SSH2: variants seen among roughly 807,000 people sequenced by gnomAD.
The protein encoded by SSH2 is protein phosphatase Slingshot homolog 2.
A neutral mutation model predicts 135.2 loss-of-function variants in SSH2; 37 were observed. The observed-to-expected ratio is 0.27, with a 90% CI of 0.21 to 0.36. The LOEUF (loss-of-function observed/expected upper bound fraction) is 0.36, where lower values mean the gene tolerates loss of function less well. Ranked by LOEUF, SSH2 falls within the 10% of genes least tolerant of loss-of-function variation. The probability of loss-of-function intolerance (pLI) is 1.00; values close to 1 mark genes in which losing one functional copy is unlikely to be tolerated. For missense variants in SSH2, 1,408 were observed against 1,765.3 expected (o/e 0.80, Z 3.63); for synonymous variants, 628 against 646.2 (o/e 0.97, Z 0.43).
At chr17:29,716,952 C>T (rs1282127964) in intron 3 of SSH2, among the ~76,000 whole-genome samples, 1 of 152,110 alleles carries the variant, frequency 6.6e-6, no homozygotes, top group Non-Finnish European at 1.5e-5. Flanking sequence ...CTAATGTGTA[C>T]CGGCAAATCA....
At chr17:29,778,138 G>A (rs762556206) in intron 3 of SSH2, among the ~76,000 whole-genome samples, 2 of 152,056 alleles carry the variant, frequency 1.3e-5, no homozygotes, top group Non-Finnish European at 2.9e-5. Context: ...GTTTTGCATG[G>A]TGGAAAAAGG....
intron 11 of SSH2, among the ~76,000 whole-genome samples, chr17:29,665,948 C>T (rs185570090): frequency 2.1e-3 from 317 of 152,294 alleles, no homozygotes; most frequent in Non-Finnish European, 3.3e-3. Flanking sequence ...GTCCAGTAGT[C>T]TCTTGTCTCT....
At chr17:29,910,762 A>C (rs1185588633) in intron 1 of SSH2, among the ~76,000 whole-genome samples, 1 of 152,192 alleles carries the variant, frequency 6.6e-6, no homozygotes, top group Non-Finnish European at 1.5e-5. Flanking sequence ...AAAACAAAGC[A>C]TTATTTTTTG....
At chr17:29,727,114 T>C (rs146245643) in intron 3 of SSH2, among the ~76,000 whole-genome samples, 7 of 152,350 alleles carry the variant, frequency 4.6e-5, no homozygotes, top group African/African-American at 7.2e-5. Context: ...CACAAAGGAC[T>C]TCCTTCCTTA....
At chr17:29,688,939 T>G (rs2038347015) in intron 5 of SSH2, among the ~76,000 whole-genome samples, 1 of 152,058 alleles carries the variant, frequency 6.6e-6, no homozygotes, top group South Asian at 2.1e-4. Flanking sequence ...GTGGATCGCT[T>G]GAGGTCAGGA....
intron 1 of SSH2, among the ~76,000 whole-genome samples, chr17:29,891,601 A>C (rs1567635104): frequency 6.6e-6 from 1 of 152,210 alleles, no homozygotes; most frequent in Non-Finnish European, 1.5e-5. Flanking sequence ...TAGAAAAAAA[A>C]AAACAAAATA....
intron 3 of SSH2, among the ~76,000 whole-genome samples, chr17:29,779,809 T>TAAAA (rs1567969193): frequency 4.6e-4 from 5 of 10,772 alleles, no homozygotes; most frequent in South Asian, 3.3e-3. Context: ...AGACTCTGTC[T>TAAAA]CAAAAAAAAA....
chr17:29,635,931 ACTT>A (rs1477974891), intron 15 of SSH2, 34 bp downstream of exon 15: 2 of 1,451,932 alleles, frequency 1.4e-6, no homozygotes, highest in Non-Finnish European at 1.9e-6. Context: ...TTTGAAGAGA[ACTT>A]CATTAGGCGG....
At chr17:29,678,957 C>A (rs1214907626) in intron 6 of SSH2, among the ~76,000 whole-genome samples, 2 of 151,964 alleles carry the variant, frequency 1.3e-5, no homozygotes, top group African/African-American at 2.4e-5. Flanking sequence ...TCAGAGTGAT[C>A]CACCCGTCTC....
At chr17:29,877,770 A>C (rs1328151241) in intron 1 of SSH2, among the ~76,000 whole-genome samples, 1 of 35,464 alleles carries the variant, frequency 2.8e-5, no homozygotes, top group Admixed American at 3.4e-4. Context: ...ATGGGTACCA[A>C]AAAAAAAAAA....
At chr17:29,746,243 G>A (rs1424099386) in intron 3 of SSH2, among the ~76,000 whole-genome samples, 7 of 151,772 alleles carry the variant, frequency 4.6e-5, no homozygotes, top group Non-Finnish European at 1.0e-4. Context: ...TCAAACTAAA[G>A]CTCCCCCTAA....
intron 3 of SSH2, among the ~76,000 whole-genome samples, chr17:29,755,119 T>C (rs918082897): frequency 6.6e-6 from 1 of 152,222 alleles, no homozygotes; most frequent in Admixed American, 6.5e-5. Flanking sequence ...GACTGGATAA[T>C]AGCTCTCTAA....
rs1004237375 is a variant in SSH2 at position 29,636,478 on chromosome 17, C to A, written c.1752G>T (p.Gly584=). ...GAAATTTTGATTCATTCAGACAACA[C>A]CCTGATGAGCATCCATTGATGTCAT... ...NLNDINGCSS[G]CCLNESKFPL... Residue 584 remains glycine (G), a synonymous_variant, in exon 15 of 16, where the codon GGG becomes GGT. Coordinates refer to ENST00000540801, the MANE Select transcript of SSH2 (RefSeq NM_001282129.2). 1.2e-6 allele frequency: 2 copies of A among 1,614,182 alleles called. No individual in the cohort carries two copies. Among genetic ancestry groups the A allele is most frequent in the African/African-American group, 1.3e-5 (1 of 75,046 alleles).
At chr17:29,760,569 G>C (rs1042422166) in intron 3 of SSH2, among the ~76,000 whole-genome samples, 2 of 152,150 alleles carry the variant, frequency 1.3e-5, no homozygotes, top group African/African-American at 4.8e-5. Flanking sequence ...GTGAATGAAG[G>C]TGTGCGTGCA....
chr17:29,673,969 C>A, intron 8 of SSH2: 1 of 362,362 alleles, frequency 2.8e-6, no homozygotes, highest in Non-Finnish European at 5.6e-6. Context: ...GACAAACATT[C>A]TTAGAGCTAA....
chr17:29,658,382 T>C (rs891331161), intron 11 of SSH2, among the ~76,000 whole-genome samples: 5 of 151,760 alleles, frequency 3.3e-5, no homozygotes, highest in Non-Finnish European at 5.9e-5. Flanking sequence ...GGTGCTATCA[T>C]TGTGCGCTAT....
At chr17:29,743,907 CTTTTTTTTTT>C (rs59540894) in intron 3 of SSH2, among the ~76,000 whole-genome samples, 27 of 99,862 alleles carry the variant, frequency 2.7e-4, no homozygotes, top group Admixed American at 4.5e-4. Flanking sequence ...TTCTTTTTTC[CTTTTTTTTTT>C]TTTTTTTTTT....
chr17:29,761,177 A>C, intron 3 of SSH2: 1 of 1,289,668 alleles, frequency 7.8e-7, no homozygotes. Context: ...CTGCGAGATG[A>C]CCGCGTTGGC....
chr17:29,761,234 G>A, intron 3 of SSH2: 1 of 1,289,688 alleles, frequency 7.8e-7, no homozygotes, highest in Non-Finnish European at 1.0e-6. Context: ...GCAGGTGCAA[G>A]CGAGGGGCGC....
Sources: gnomAD v4.1 joint callset for allele counts (sites outside exome capture counted in the v4.1 genomes callset) on GRCh38, gnomAD v4.1.1 for gene constraint, MANE v1.5 for transcripts, NCBI Gene and HGNC (gene_info 2026-07-23, HGNC 2026-07-21) for gene names.